Variants in TBC1D8 observed in about 807,000 individuals in gnomAD.
TBC1D8 encodes the protein TBC1 domain family member 8.
A neutral mutation model predicts 118.8 loss-of-function variants in TBC1D8; 65 were observed. That is an observed-to-expected ratio of 0.55 (90% CI 0.45 to 0.67). The LOEUF (loss-of-function observed/expected upper bound fraction) is 0.67. Among genes scored for constraint, TBC1D8 ranks in the 30% least tolerant of loss-of-function variants. TBC1D8 has a pLI of 0.00. For missense variants in TBC1D8, 1,376 were observed against 1,471.2 expected (o/e 0.94, Z 1.06); for synonymous variants, 566 against 595.8 (o/e 0.95, Z 0.73).
chr2:101,102,063 A>AAGGGGACGGG (rs1553419453), intron 1 of TBC1D8, among the ~76,000 whole-genome samples: 16 of 134,490 alleles, frequency 1.2e-4, no homozygotes, highest in African/African-American at 4.4e-4. Flanking sequence ...GAGGGGAGGG[A>AAGGGGACGGG]AGGGGAGGGG....
intron 15 of TBC1D8, chr2:101,023,631 T>C (rs1443931051): frequency 2.3e-6 from 1 of 438,284 alleles, no homozygotes; most frequent in Non-Finnish European, 4.6e-6. Flanking sequence ...TAAGTTTTTT[T>C]TTTAAGGTGA....
chr2:101,129,888 G>A (rs942937993), intron 1 of TBC1D8, among the ~76,000 whole-genome samples: 1 of 151,218 alleles, frequency 6.6e-6, no homozygotes, highest in African/African-American at 2.4e-5. Flanking sequence ...CTGGGCAACA[G>A]GGCGAGACTC....
chr2:101,115,690 G>A (rs1677787870), intron 1 of TBC1D8, among the ~76,000 whole-genome samples: 1 of 152,102 alleles, frequency 6.6e-6, no homozygotes, highest in Admixed American at 6.6e-5. Flanking sequence ...GGCAGAGGGT[G>A]CAATGAGCCG....
At chr2:101,079,168 A>C (rs76969563) in intron 2 of TBC1D8, among the ~76,000 whole-genome samples, 1 of 152,096 alleles carries the variant, frequency 6.6e-6, no homozygotes, top group Admixed American at 6.6e-5. Flanking sequence ...TTTGCCAGTC[A>C]TCTCCTTTTG....
chr2:101,013,267 C>T (rs564413609), intron 17 of TBC1D8, among the ~76,000 whole-genome samples: 5 of 152,286 alleles, frequency 3.3e-5, no homozygotes, highest in African/African-American at 9.6e-5. Flanking sequence ...ATACTCATTC[C>T]ACGATCTATT....
chr2:101,133,299 T>G (rs1192143800), intron 1 of TBC1D8, among the ~76,000 whole-genome samples: 1 of 152,196 alleles, frequency 6.6e-6, no homozygotes, highest in Non-Finnish European at 1.5e-5. Flanking sequence ...GAATGAGCAC[T>G]GCCAAATGCT....
intron 17 of TBC1D8, among the ~76,000 whole-genome samples, chr2:101,021,108 C>G (rs375634003): frequency 1.3e-5 from 2 of 152,188 alleles, no homozygotes; most frequent in East Asian, 3.9e-4. Flanking sequence ...GAACCACAAC[C>G]ACAGCACTGG....
At chr2:101,072,457 G>A (rs1048672564) in intron 2 of TBC1D8, among the ~76,000 whole-genome samples, 1 of 152,164 alleles carries the variant, frequency 6.6e-6, no homozygotes, top group Non-Finnish European at 1.5e-5. Flanking sequence ...TGTGAACTGA[G>A]TAAGAACTCA....
chr2:101,008,248 GTT>G lies in TBC1D8; in HGVS notation c.3039_3040del (p.Lys1013AsnfsTer8). On this transcript the variant is annotated frameshift_variant, in exon 20 of 20. Coordinates refer to ENST00000409318, the MANE Select transcript of TBC1D8 (RefSeq NM_001330348.2). LOFTEE classifies it low-confidence loss of function (END_TRUNC). ...ATCTTCATGGAACATACTGTACAGA[GTT>G]TTACAGAACTGGATAAATTCTCTCT... 6.4e-7 allele frequency: 1 copy of G among 1,559,694 alleles called. No individual in the cohort carries two copies.
At chr2:101,021,626 C>CT in intron 17 of TBC1D8, 55 bp downstream of exon 17, 1 of 1,198,548 alleles carries the variant, frequency 8.3e-7, no homozygotes, top group Non-Finnish European at 1.2e-6. Flanking sequence ...ATGCACAAAG[C>CT]TGATACTGTG....
chr2:101,033,456 A>T (rs1375170327), intron 10 of TBC1D8, 88 bp downstream of exon 10: 1 of 1,506,246 alleles, frequency 6.6e-7, no homozygotes, highest in Non-Finnish European at 9.2e-7. Context: ...TCAGGACCAG[A>T]TGACTGGGAA....
intron 1 of TBC1D8, among the ~76,000 whole-genome samples, chr2:101,150,602 C>T (rs975462713): frequency 6.6e-6 from 1 of 152,250 alleles, no homozygotes; most frequent in South Asian, 2.1e-4. Context: ...TTCGCCCACC[C>T]TCAGTTTCCC....
chr2:101,089,594 T>TA (rs1004497133), intron 2 of TBC1D8, among the ~76,000 whole-genome samples: 2 of 152,082 alleles, frequency 1.3e-5, no homozygotes, highest in African/African-American at 4.8e-5. Flanking sequence ...CACCTTCTCT[T>TA]AGCCCCCAGC....
intron 17 of TBC1D8, among the ~76,000 whole-genome samples, chr2:101,020,910 G>A (rs1281161520): frequency 2.0e-5 from 3 of 152,136 alleles, no homozygotes; most frequent in Admixed American, 1.3e-4. Flanking sequence ...AAAATCGAGT[G>A]TATATAGGGT....
At chr2:101,031,922 T>G (rs1232004771) in intron 11 of TBC1D8, among the ~76,000 whole-genome samples, 1 of 152,124 alleles carries the variant, frequency 6.6e-6, no homozygotes, top group Non-Finnish European at 1.5e-5. Context: ...GGCATCCATG[T>G]AAAACCACCC....
intron 2 of TBC1D8, among the ~76,000 whole-genome samples, chr2:101,071,643 A>C (rs1041634604): frequency 6.6e-6 from 1 of 152,216 alleles, no homozygotes; most frequent in Non-Finnish European, 1.5e-5. Flanking sequence ...ACAATGGAGA[A>C]AAGTGTGCCT....
chr2:101,061,525 CAT>C (rs1203267993), intron 2 of TBC1D8, among the ~76,000 whole-genome samples: 1 of 152,214 alleles, frequency 6.6e-6, no homozygotes, highest in African/African-American at 2.4e-5. Context: ...ATCCTTCAGT[CAT>C]CACTAAAGCC....
chr2:101,017,640 C>T (rs1185528845), intron 17 of TBC1D8, among the ~76,000 whole-genome samples: 1 of 152,206 alleles, frequency 6.6e-6, no homozygotes, highest in Non-Finnish European at 1.5e-5. Flanking sequence ...GCAGACCATG[C>T]TGTGCAAAGA....
chr2:101,036,085 C>T lies in TBC1D8; in HGVS notation c.1536G>A (p.Lys512=), dbSNP rs745982792. 6.2e-7 allele frequency: 1 copy of T among 1,614,052 alleles called. No individual in the cohort carries two copies. The highest frequency in any genetic ancestry group is 8.5e-7 in the Non-Finnish European group (1 of 1,179,906). ...GRTVCMFRTE[K]IRKLVAMGIP... Reference sequence around the variant, plus strand: ...TGCCCATGGCTACGAGCTTCCGAATCTTCTCTGTGCGAAACATACACACGG... The same window carrying T: ...TGCCCATGGCTACGAGCTTCCGAATTTTCTCTGTGCGAAACATACACACGG... Residue 512 remains lysine (K), a synonymous_variant, in exon 9 of 20, where the codon AAG becomes AAA. Coordinates refer to ENST00000409318, the MANE Select transcript of TBC1D8 (RefSeq NM_001330348.2).
Sources: allele counts gnomAD v4.1 joint callset (sites outside exome capture counted in the v4.1 genomes callset), GRCh38; gene constraint gnomAD v4.1.1; transcripts MANE v1.5; gene names NCBI Gene and HGNC (gene_info 2026-07-23, HGNC 2026-07-21).